TBC1D32: variants seen among roughly 807,000 people sequenced by gnomAD.
TBC1D32 encodes protein broad-minded.
A neutral mutation model predicts 170.3 loss-of-function variants in TBC1D32; 151 were observed. The observed-to-expected ratio is 0.89, with a 90% confidence interval of 0.78 to 1.01. The LOEUF (loss-of-function observed/expected upper bound fraction) is 1.01, where lower values mean the gene tolerates loss of function less well. TBC1D32 is among the 50% of genes least tolerant of loss of function. The probability of loss-of-function intolerance (pLI) is 0.00; values close to 1 mark genes in which losing one functional copy is unlikely to be tolerated. For synonymous variants in TBC1D32, 498 were observed against 488.0 expected, an observed-to-expected ratio of 1.02 and a Z score of -0.27; for missense variants, 1,464 against 1,457.1, an observed-to-expected ratio of 1.00 and a Z score of -0.08.
intron 22 of TBC1D32, among the ~76,000 whole-genome samples, chr6:121,194,468 T>C (rs1790473743): frequency 6.6e-6 from 1 of 152,216 alleles, no homozygotes; most frequent in Admixed American, 6.5e-5. Flanking sequence ...CATATCCCCA[T>C]TCAACTCTCC....
intron 27 of TBC1D32, among the ~76,000 whole-genome samples, chr6:121,113,460 A>C (rs1441602205): frequency 6.6e-6 from 1 of 152,184 alleles, no homozygotes; most frequent in East Asian, 1.9e-4. Flanking sequence ...TAAAACATGG[A>C]ATGTTGACAG....
Position 121,125,622 on chromosome 6 carries a change from T to C in TBC1D32, c.2983+756A>G, listed in dbSNP as rs367863108. On this transcript the variant is annotated intron_variant, in intron 26 of 31. Transcript: ENST00000398212. ...GCTGTGAGATGGAGCCTCATGTGCC[T>C]ATCATGCTGGCTCAGATGTGCACAC... 5.8e-3 allele frequency among the ~76,000 whole-genome samples: 887 copies of C among 152,216 alleles called. 12 individuals carry two copies. Among genetic ancestry groups the C allele is most frequent in the African/African-American group, 0.02 (824 of 41,528 alleles).
chr6:121,223,194 G>GT, intron 21 of TBC1D32, 42 bp downstream of exon 21: 1 of 1,253,330 alleles, frequency 8.0e-7, no homozygotes, highest in Non-Finnish European at 1.1e-6. Flanking sequence ...ATCTCAAATA[G>GT]TAGCATTTAT....
rs528587746 is a variant in TBC1D32, at chr6:121,294,714, A to G, written c.1141-54T>C. On this transcript the variant is annotated intron_variant, in intron 10 of 31. Transcript: ENST00000398212. ...GAACTTTGCAGCCCTCAAGTCCAAG[A>G]ATTAAAAGAAATTAGTCAAAGCTGT... The G allele has an allele frequency of 3.9e-5, 49 of 1,271,144 alleles. No individual in the cohort carries two copies. In the African/African-American group the frequency reaches 5.0e-4, roughly 13 times the overall value. The allele number at this position is 1,271,144 out of a possible 1,614,324, so 78.7% of individuals were successfully genotyped here. A position where few individuals can be genotyped will look rare whatever the true frequency, so the allele number is the denominator to read the frequency against.
At chr6:121,097,691 G>A (rs1777580543) in intron 30 of TBC1D32, among the ~76,000 whole-genome samples, 1 of 152,042 alleles carries the variant, frequency 6.6e-6, no homozygotes, top group East Asian at 1.9e-4. Flanking sequence ...TCCCATTACT[G>A]GTTATATACT....
chr6:121,286,255 A>G (rs1211808510), intron 12 of TBC1D32, among the ~76,000 whole-genome samples: 1 of 152,170 alleles, frequency 6.6e-6, no homozygotes, highest in Non-Finnish European at 1.5e-5. Flanking sequence ...AATTGGATAA[A>G]TGGCTAACTA....
chr6:121,233,335 C>T (rs1352752387), intron 20 of TBC1D32, among the ~76,000 whole-genome samples: 1 of 151,824 alleles, frequency 6.6e-6, no homozygotes, highest in East Asian at 1.9e-4. Context: ...TATTGTGTTG[C>T]CATCTATCTC....
chr6:121,152,690 T>C (rs923029552), intron 24 of TBC1D32, among the ~76,000 whole-genome samples: 1 of 152,170 alleles, frequency 6.6e-6, no homozygotes, highest in African/African-American at 2.4e-5. Flanking sequence ...TTGGAGGCTT[T>C]GTTCATTCCT....
At chr6:121,232,001 T>A (rs1460383259) in intron 20 of TBC1D32, among the ~76,000 whole-genome samples, 1 of 152,152 alleles carries the variant, frequency 6.6e-6, no homozygotes, top group African/African-American at 2.4e-5. Context: ...CCTAAGCTAA[T>A]GTCTAGAAGG....
In TBC1D32 at chr6:121,308,105, C is replaced by T; in HGVS notation, c.565-4G>A. ...TTTGCAAGGCTTCATATCTCACCTA[C>T]AATTTTTTTAAAAGACTTTTATTAA... On this transcript the variant is annotated splice_region_variant and splice_polypyrimidine_tract_variant and intron_variant, in intron 4 of 31. Transcript: ENST00000398212. 2 of 1,607,792 alleles carry T rather than the reference C, an allele frequency of 1.2e-6. No homozygotes were observed. Among genetic ancestry groups the T allele is most frequent in the Non-Finnish European group, 1.7e-6 (2 of 1,178,528 alleles).
intron 30 of TBC1D32, among the ~76,000 whole-genome samples, chr6:121,094,740 A>G (rs1777198635): frequency 6.6e-6 from 1 of 152,006 alleles, no homozygotes; most frequent in African/African-American, 2.4e-5. Flanking sequence ...GTTTCCTCCA[A>G]CTGCATAATA....
Position 121,090,842 on chromosome 6 carries a change from A to T in TBC1D32, c.3654+11T>A. The T allele has an allele frequency of 1.2e-6, 2 of 1,604,920 alleles. No individual in the cohort carries two copies. The highest frequency in any genetic ancestry group is 1.7e-6 in the Non-Finnish European group (2 of 1,177,472). On this transcript the variant is annotated intron_variant, in intron 31 of 31. Transcript: ENST00000398212. ...AACTCAACATTTTCCTCTCCATATA[A>T]ACATACTTACTTTTAGGAAAACTTG... is the stretch of plus-strand genomic sequence containing the variant.
At chr6:121,130,116 G>A (rs527858886) in intron 25 of TBC1D32, among the ~76,000 whole-genome samples, 1 of 152,128 alleles carries the variant, frequency 6.6e-6, no homozygotes, top group African/African-American at 2.4e-5. Context: ...TGCTAGAGAC[G>A]AGATTTTGCC....
At chr6:121,154,940 C>T (rs1046977097) in intron 24 of TBC1D32, among the ~76,000 whole-genome samples, 1 of 152,112 alleles carries the variant, frequency 6.6e-6, no homozygotes, top group Non-Finnish European at 1.5e-5. Flanking sequence ...TAATGTGATG[C>T]CTCCAACTTT....
intron 24 of TBC1D32, chr6:121,139,861 T>C (rs1782577591): frequency 6.6e-6 from 1 of 152,154 alleles, no homozygotes; most frequent in Admixed American, 6.5e-5. Flanking sequence ...TTATCTATCA[T>C]TAGTTTTGTT....
At chr6:121,185,061 T>TA (rs766775218) in intron 22 of TBC1D32, among the ~76,000 whole-genome samples, 1 of 151,872 alleles carries the variant, frequency 6.6e-6, no homozygotes, top group Non-Finnish European at 1.5e-5. Context: ...TTTTTTTTTT[T>TA]AATTCTGAGC....
chr6:121,242,796 T>C (rs1210606397), intron 17 of TBC1D32, among the ~76,000 whole-genome samples: 1 of 152,074 alleles, frequency 6.6e-6, no homozygotes, highest in Non-Finnish European at 1.5e-5. Context: ...TAATTTATTT[T>C]ACTTTTGGGG....
At chr6:121,226,361 G>T (rs1795067302) in intron 20 of TBC1D32, among the ~76,000 whole-genome samples, 2 of 152,154 alleles carry the variant, frequency 1.3e-5, no homozygotes, top group African/African-American at 4.8e-5. Flanking sequence ...AGAGGTGAAA[G>T]GTAAGTCTGT....
At chr6:121,215,197 C>T (rs552497036) in intron 21 of TBC1D32, among the ~76,000 whole-genome samples, 90 of 152,302 alleles carry the variant, frequency 5.9e-4, no homozygotes, top group South Asian at 1.4e-3. Context: ...CAGTCAGGCT[C>T]GGAAAAAGCA....
Sources: gnomAD v4.1 joint callset for allele counts (sites outside exome capture counted in the v4.1 genomes callset) on GRCh38, gnomAD v4.1.1 for gene constraint, MANE v1.5 for transcripts, NCBI Gene and HGNC (gene_info 2026-07-23, HGNC 2026-07-21) for gene names.